GRID2: variants seen among roughly 807,000 people sequenced by gnomAD.
GRID2 encodes the protein glutamate receptor ionotropic, delta-2.
A neutral mutation model predicts 114.8 loss-of-function variants in GRID2; 33 were observed. The observed-to-expected ratio is 0.29, with a 90% CI of 0.22 to 0.38. The LOEUF (loss-of-function observed/expected upper bound fraction) is 0.38, where lower values mean the gene tolerates loss of function less well. GRID2 is among the 10% of genes least tolerant of loss of function. GRID2 has a pLI of 1.00. For missense variants in GRID2, 1,184 were observed against 1,257.7 expected (o/e 0.94, Z 0.89); for synonymous variants, 505 against 449.9 (o/e 1.12, Z -1.55).
chr4:92,709,122 G>T (rs972447819), intron 2 of GRID2, among the ~76,000 whole-genome samples: 8 of 151,980 alleles, frequency 5.3e-5, no homozygotes, highest in African/African-American at 1.9e-4. Flanking sequence ...TTTCTTATAA[G>T]CTAGAGAAAA....
chr4:93,028,711 T>A (rs1446357277), intron 2 of GRID2, among the ~76,000 whole-genome samples: 1 of 152,108 alleles, frequency 6.6e-6, no homozygotes. Flanking sequence ...ATTACTGTCT[T>A]AAAATTCTCA....
chr4:92,616,171 C>G (rs550915802), intron 2 of GRID2, among the ~76,000 whole-genome samples: 1 of 151,650 alleles, frequency 6.6e-6, no homozygotes, highest in Admixed American at 6.6e-5. Context: ...AATCTGCTAG[C>G]AATAGATTCT....
intron 14 of GRID2, among the ~76,000 whole-genome samples, chr4:93,654,052 C>T (rs898928790): frequency 2.0e-5 from 3 of 152,094 alleles, no homozygotes; most frequent in African/African-American, 7.2e-5. Context: ...CTTTTATTTC[C>T]TGGGTGTTTC....
intron 1 of GRID2, among the ~76,000 whole-genome samples, chr4:92,558,687 G>A: frequency 6.6e-6 from 1 of 152,050 alleles, no homozygotes; most frequent in South Asian, 2.1e-4. Flanking sequence ...AACAGATGCT[G>A]CCTTTTATGA....
intron 4 of GRID2, among the ~76,000 whole-genome samples, chr4:93,159,317 A>G (rs1447939270): frequency 6.6e-6 from 1 of 151,854 alleles, no homozygotes; most frequent in African/African-American, 2.4e-5. Context: ...GGAGTGCTGG[A>G]TCCAGGACTA....
At chr4:92,799,178 A>G (rs1470604433) in intron 2 of GRID2, among the ~76,000 whole-genome samples, 4 of 152,004 alleles carry the variant, frequency 2.6e-5, no homozygotes, top group African/African-American at 9.7e-5. Context: ...ATGGGCTGTG[A>G]TGGGAGACAG....
intron 2 of GRID2, among the ~76,000 whole-genome samples, chr4:92,756,944 T>C (rs557834767): frequency 4.6e-5 from 7 of 152,198 alleles, no homozygotes; most frequent in African/African-American, 1.7e-4. Flanking sequence ...GTGCAGAAGG[T>C]TTTTGGTTTA....
intron 2 of GRID2, among the ~76,000 whole-genome samples, chr4:92,921,960 G>C (rs1395778150): frequency 6.6e-6 from 1 of 152,190 alleles, no homozygotes; most frequent in Non-Finnish European, 1.5e-5. Flanking sequence ...GTCTACAGAG[G>C]CAGGCCGGCC....
intron 2 of GRID2, among the ~76,000 whole-genome samples, chr4:93,022,806 G>A (rs1723507206): frequency 6.6e-6 from 1 of 151,570 alleles, no homozygotes; most frequent in Non-Finnish European, 1.5e-5. Flanking sequence ...CTTACTAATG[G>A]TAAAAACTTG....
rs369289881 is a variant in GRID2, at chr4:93,238,125, CTTT to C, written c.1126-244_1126-242del. On this transcript the variant is annotated intron_variant, in intron 7 of 15. Transcript: ENST00000282020. ...GGTTTCATTTTGAGCAGTCACTTGA[CTTT>C]TGGGGTCTAAATTTCTGTTTTTATG... Among the ~76,000 whole-genome samples the C allele has an allele frequency of 1.2e-3, 176 of 151,818 alleles. 1 individual carries two copies. The highest frequency in any genetic ancestry group is 3.8e-3 in the African/African-American group (159 of 41,502).
chr4:92,341,692 G>A (rs187597076), intron 1 of GRID2, among the ~76,000 whole-genome samples: 21 of 151,970 alleles, frequency 1.4e-4, no homozygotes, highest in African/African-American at 4.6e-4. Context: ...AGGCCGAGGC[G>A]GGCGGATCAC....
chr4:92,899,353 T>A, intron 2 of GRID2, among the ~76,000 whole-genome samples: 1 of 152,166 alleles, frequency 6.6e-6, no homozygotes, highest in East Asian at 1.9e-4. Flanking sequence ...TGGTTCATTG[T>A]CTTGGAAAGT....
chr4:93,178,057 G>C (rs1296195781), intron 4 of GRID2, among the ~76,000 whole-genome samples: 1 of 148,482 alleles, frequency 6.7e-6, no homozygotes, highest in African/African-American at 2.5e-5. Flanking sequence ...GCTATCGTAT[G>C]GTTTTACTCA....
chr4:93,104,586 C>A (rs1243829812), intron 3 of GRID2, among the ~76,000 whole-genome samples: 1 of 152,110 alleles, frequency 6.6e-6, no homozygotes, highest in East Asian at 1.9e-4. Flanking sequence ...CAATAGTTTA[C>A]TGAGAATGAT....
At chr4:93,011,348 C>G (rs1722118125) in intron 2 of GRID2, among the ~76,000 whole-genome samples, 1 of 151,692 alleles carries the variant, frequency 6.6e-6, no homozygotes, top group African/African-American at 2.4e-5. Context: ...TTTAGAGAGG[C>G]CTCAATACAC....
At chr4:93,547,138 T>C (rs1182405292) in intron 13 of GRID2, among the ~76,000 whole-genome samples, 1 of 152,192 alleles carries the variant, frequency 6.6e-6, no homozygotes, top group Non-Finnish European at 1.5e-5. Flanking sequence ...TTGCTTATTA[T>C]ATACATTTTT....
At chr4:93,571,201 G>A (rs916013304) in intron 13 of GRID2, among the ~76,000 whole-genome samples, 2 of 152,042 alleles carry the variant, frequency 1.3e-5, no homozygotes, top group African/African-American at 4.8e-5. Context: ...TGGGCAGATG[G>A]CAGGGGTGAA....
chr4:92,922,319 T>G (rs540182681), intron 2 of GRID2, among the ~76,000 whole-genome samples: 92 of 152,282 alleles, frequency 6.0e-4, no homozygotes, highest in African/African-American at 2.0e-3. Context: ...CTCACCCTGC[T>G]TCGGCTCATG....
chr4:92,471,848 A>G (rs1722051286), intron 1 of GRID2, among the ~76,000 whole-genome samples: 1 of 151,986 alleles, frequency 6.6e-6, no homozygotes, highest in South Asian at 2.1e-4. Context: ...TTATATAAAC[A>G]GAATCATACA....
Sources: gnomAD v4.1 joint callset for allele counts (sites outside exome capture counted in the v4.1 genomes callset) on GRCh38, gnomAD v4.1.1 for gene constraint, MANE v1.5 for transcripts, NCBI Gene and HGNC (gene_info 2026-07-23, HGNC 2026-07-21) for gene names.